CNTNAP2: variants seen among roughly 807,000 people sequenced by gnomAD.
CNTNAP2 encodes contactin associated protein 2.
A neutral mutation model predicts 155.2 loss-of-function variants in CNTNAP2; 98 were observed. That is an observed-to-expected ratio of 0.63 (90% CI 0.54 to 0.75). CNTNAP2 has a LOEUF of 0.75. CNTNAP2 is among the 30% of genes least tolerant of loss of function. The pLI is 0.00. For synonymous variants in CNTNAP2, 651 were observed against 631.2 expected (o/e 1.03, Z -0.47); for missense variants, 1,727 against 1,688.1 (o/e 1.02, Z -0.40).
Position 147,132,306 on chromosome 7 carries a change from G to A in CNTNAP2, c.1145G>A (p.Ser382Asn), listed in dbSNP as rs371839994. 329 of 1,613,732 alleles carry A rather than the reference G, an allele frequency of 2.0e-4. No homozygotes were observed. The Admixed American group carries it at 5.2e-3, about 25-fold the overall frequency. Residue 382 changes from serine (S) to asparagine (N), a missense_variant, in exon 8 of 24, where the codon AGT (serine) becomes AAT (asparagine). Physicochemically the swap from Ser to Asn is conservative, Grantham distance 46 (BLOSUM62 1). Coordinates refer to ENST00000361727, the MANE Select transcript of CNTNAP2 (RefSeq NM_014141.6). Reference protein sequence around the residue: ...YTVPVFFNATSYLEVPGRLNQ... With the variant: ...YTVPVFFNATNYLEVPGRLNQ... Reference sequence around the variant, plus strand: ...GTGCCTGTCTTTTTCAACGCTACAAGTTACCTGGAGGTGCCCGGACGGCTT... The same window carrying A: ...GTGCCTGTCTTTTTCAACGCTACAAATTACCTGGAGGTGCCCGGACGGCTT...
chr7:147,346,113 G>GT (rs1378526911), intron 9 of CNTNAP2, among the ~76,000 whole-genome samples: 4 of 151,366 alleles, frequency 2.6e-5, no homozygotes, highest in African/African-American at 9.7e-5. Flanking sequence ...TTTTGGCTGT[G>GT]TCCCATAATC....
intron 1 of CNTNAP2, among the ~76,000 whole-genome samples, chr7:146,127,917 CTT>C (rs764152047): frequency 6.6e-6 from 1 of 152,128 alleles, no homozygotes; most frequent in African/African-American, 2.4e-5. Flanking sequence ...TTCATTTCCA[CTT>C]TTAATATGAC....
At chr7:147,907,415 G>T (rs1799981986) in intron 14 of CNTNAP2, among the ~76,000 whole-genome samples, 1 of 152,104 alleles carries the variant, frequency 6.6e-6, no homozygotes, top group African/African-American at 2.4e-5. Context: ...GCACAAGAAA[G>T]AATGCTCTTG....
chr7:148,083,092 G>A lies in CNTNAP2; in HGVS notation c.2384-35026G>A, dbSNP rs535098436. 7.2e-5 allele frequency among the ~76,000 whole-genome samples: 11 copies of A among 152,254 alleles called. No individual in the cohort carries two copies. The South Asian group carries it at 1.0e-3, about 14-fold the overall frequency. On this transcript the variant is annotated intron_variant, in intron 15 of 23. Transcript: ENST00000361727. ...TAAAGAGGGTATACAGGACACTGGT[G>A]TATACTGTCCACTCCAGATCAGTGG...
intron 8 of CNTNAP2, among the ~76,000 whole-genome samples, chr7:147,168,734 C>A (rs1401917611): frequency 1.3e-5 from 2 of 152,012 alleles, no homozygotes; most frequent in African/African-American, 2.4e-5. Flanking sequence ...TATCTTTTCC[C>A]TAATTGTTAT....
At chr7:146,190,792 CT>C (rs1219290393) in intron 1 of CNTNAP2, among the ~76,000 whole-genome samples, 2 of 152,098 alleles carry the variant, frequency 1.3e-5, no homozygotes, top group South Asian at 2.1e-4. Context: ...TTAATACATG[CT>C]TTTTTTAATG....
chr7:147,268,564 A>G lies in CNTNAP2; in HGVS notation c.1349-31577A>G, dbSNP rs372664666. Among the ~76,000 whole-genome samples the G allele has an allele frequency of 3.2e-3, 492 of 152,260 alleles. 4 individuals carry two copies. Among genetic ancestry groups the G allele is most frequent in the African/African-American group, 0.011 (456 of 41,540 alleles). ...TAAGGAGAAATACCTAATGTAGATG[A>G]CAGATTGATGGCTGCAGCAAACCAC... On this transcript the variant is annotated intron_variant, in intron 8 of 23. Coordinates refer to ENST00000361727, the MANE Select transcript of CNTNAP2 (RefSeq NM_014141.6).
At chr7:148,236,650 C>T (rs191758869) in intron 20 of CNTNAP2, among the ~76,000 whole-genome samples, 126 of 152,232 alleles carry the variant, frequency 8.3e-4, no homozygotes, top group Non-Finnish European at 1.5e-3. Flanking sequence ...GTCTGTCTTG[C>T]ACTGCTATAA....
intron 13 of CNTNAP2, among the ~76,000 whole-genome samples, chr7:147,716,218 A>G (rs1431964845): frequency 6.6e-6 from 1 of 152,124 alleles, no homozygotes; most frequent in Admixed American, 6.6e-5. Flanking sequence ...CTGGGGTAAT[A>G]CCCAAGGTTT....
At chr7:148,176,197 TTTTC>T (rs1466606083) in intron 18 of CNTNAP2, among the ~76,000 whole-genome samples, 2 of 147,846 alleles carry the variant, frequency 1.4e-5, no homozygotes, top group Non-Finnish European at 3.0e-5. Context: ...CCCTTTTTTC[TTTTC>T]TTTCTTTCTC....
chr7:147,714,118 T>G (rs1464848254), intron 13 of CNTNAP2, among the ~76,000 whole-genome samples: 1 of 152,058 alleles, frequency 6.6e-6, no homozygotes, highest in Non-Finnish European at 1.5e-5. Flanking sequence ...AAGAACCCTA[T>G]GAATGTGCTG....
intron 1 of CNTNAP2, among the ~76,000 whole-genome samples, chr7:146,522,261 G>C (rs1289978576): frequency 6.6e-6 from 1 of 151,988 alleles, no homozygotes; most frequent in Admixed American, 6.6e-5. Context: ...CATACAGAGG[G>C]ATCATTGAAG....
intron 9 of CNTNAP2, among the ~76,000 whole-genome samples, chr7:147,358,348 A>G (rs1563173613): frequency 1.3e-5 from 2 of 152,168 alleles, no homozygotes; most frequent in African/African-American, 4.8e-5. Context: ...TTTTTAATGA[A>G]AATATCATAT....
At chr7:147,226,364 A>T (rs79283601) in intron 8 of CNTNAP2, among the ~76,000 whole-genome samples, 2,049 of 152,184 alleles carry the variant, frequency 0.013, 55 homozygotes, top group African/African-American at 0.045. Flanking sequence ...GTCCTCAGTA[A>T]AGTGAATAAG....
At chr7:147,756,149 A>T (rs1263000706) in intron 13 of CNTNAP2, among the ~76,000 whole-genome samples, 1 of 152,224 alleles carries the variant, frequency 6.6e-6, no homozygotes, top group Non-Finnish European at 1.5e-5. Flanking sequence ...TAGATCAAGA[A>T]TTTTGTTCTG....
chr7:148,259,801 G>A (rs11772818), intron 20 of CNTNAP2, among the ~76,000 whole-genome samples: 52,138 of 152,204 alleles, frequency 0.34, 9,463 homozygotes, highest in South Asian at 0.6. Context: ...TAAGCTCCAC[G>A]TGTAAGACAC....
intron 8 of CNTNAP2, among the ~76,000 whole-genome samples, chr7:147,195,964 T>C (rs933860585): frequency 1.3e-5 from 2 of 152,134 alleles, no homozygotes; most frequent in African/African-American, 2.4e-5. Context: ...GAGAGATAGA[T>C]TCTTTAAAGA....
intron 13 of CNTNAP2, among the ~76,000 whole-genome samples, chr7:147,815,625 G>A (rs1207535162): frequency 6.6e-6 from 1 of 152,000 alleles, no homozygotes; most frequent in Non-Finnish European, 1.5e-5. Flanking sequence ...TCTATTTTAA[G>A]GTCTGTAACC....
Position 147,332,544 on chromosome 7 carries a change from A to G in CNTNAP2, c.1498+32254A>G, listed in dbSNP as rs113378391. ...CTGGGAAGAGCAGAGAAAATAGCTG[A>G]AAAAAAAGAGAAAATAATTCTAATA... On this transcript the variant is annotated intron_variant, in intron 9 of 23. Coordinates refer to ENST00000361727, the MANE Select transcript of CNTNAP2 (RefSeq NM_014141.6). 4.4e-3 allele frequency among the ~76,000 whole-genome samples: 669 copies of G among 152,084 alleles called. 6 individuals are homozygous for G. The highest frequency in any genetic ancestry group is 0.015 in the African/African-American group (639 of 41,484).
Sources: gnomAD v4.1 joint callset for allele counts (sites outside exome capture counted in the v4.1 genomes callset) on GRCh38, gnomAD v4.1.1 for gene constraint, MANE v1.5 for transcripts, NCBI Gene and HGNC (gene_info 2026-07-23, HGNC 2026-07-21) for gene names.